FRMD6: variants seen among roughly 807,000 people sequenced by gnomAD.
FRMD6 encodes the protein FERM domain-containing protein 6.
Under a neutral mutation model 73.2 loss-of-function variants are expected in FRMD6, and 37 were observed. The ratio of observed to expected loss-of-function variants is 0.51; its 90% CI spans 0.39 to 0.66. The LOEUF is 0.66. Ranked by LOEUF, FRMD6 falls within the 30% of genes least tolerant of loss-of-function variation. FRMD6 has a pLI of 0.00. For synonymous variants in FRMD6, 273 were observed against 282.2 expected (o/e 0.97, Z 0.33); for missense variants, 714 against 780.5 (o/e 0.91, Z 1.02).
At chr14:51,486,528 C>A (rs1167367593), upstream of FRMD6, among the ~76,000 whole-genome samples, 1 of 152,168 alleles carries the variant, frequency 6.6e-6, no homozygotes, top group Admixed American at 6.5e-5. Flanking sequence ...TTACTGTATA[C>A]CTGTTATCAT....
chr14:51,505,694 C>G (rs111744490), intron 1 of FRMD6, among the ~76,000 whole-genome samples: 3 of 152,268 alleles, frequency 2.0e-5, no homozygotes, highest in Admixed American at 2.0e-4. Context: ...GTTTCTAAAC[C>G]TAAATGCATC....
intron 1 of FRMD6, among the ~76,000 whole-genome samples, chr14:51,549,847 G>A (rs953248801): frequency 1.3e-5 from 2 of 151,874 alleles, no homozygotes; most frequent in African/African-American, 4.8e-5. Flanking sequence ...CGCCCGCCTC[G>A]GCCTCCCAAA....
rs369981011 is a variant in FRMD6 at position 51,493,816 on chromosome 14, C to T, written c.-210+4396C>T. 9.5e-4 allele frequency among the ~76,000 whole-genome samples: 145 copies of T among 152,214 alleles called. 2 individuals are homozygous for T. The highest frequency in any genetic ancestry group is 1.5e-3 in the East Asian group (8 of 5,180). On this transcript the variant is annotated intron_variant, in intron 1 of 14. Coordinates refer to the FRMD6 transcript ENST00000356218. ...TTTTCCTTTGGGTTTTTCTTTCAGACGTGTCAGTCTGTTCAGGCTGCTATA... is the reference window on the plus strand; with the variant it reads ...TTTTCCTTTGGGTTTTTCTTTCAGATGTGTCAGTCTGTTCAGGCTGCTATA...
At chr14:51,518,370 C>T (rs1001973508) in intron 1 of FRMD6, among the ~76,000 whole-genome samples, 1 of 152,122 alleles carries the variant, frequency 6.6e-6, no homozygotes, top group Non-Finnish European at 1.5e-5. Context: ...TCTCTAAGGG[C>T]AGCGAAAAAG....
intron 2 of FRMD6, among the ~76,000 whole-genome samples, chr14:51,601,095 C>A (rs981839741): frequency 2.0e-5 from 3 of 152,192 alleles, no homozygotes; most frequent in Non-Finnish European, 4.4e-5. Context: ...AGCTACCTCT[C>A]CTAGCTCTGG....
At chr14:51,605,661 C>A (rs1890228835) in intron 2 of FRMD6, among the ~76,000 whole-genome samples, 1 of 152,112 alleles carries the variant, frequency 6.6e-6, no homozygotes, top group Non-Finnish European at 1.5e-5. Flanking sequence ...TGGCACCCAG[C>A]AGATCAAGAC....
the FRMD6 span, among the ~76,000 whole-genome samples, chr14:51,477,616 A>G: frequency 6.6e-6 from 1 of 152,202 alleles, no homozygotes; most frequent in Non-Finnish European, 1.5e-5. Context: ...TTTAAGTATT[A>G]TAAACTTTAA....
the FRMD6 span, among the ~76,000 whole-genome samples, chr14:51,430,985 T>G: frequency 1.4e-4 from 22 of 152,298 alleles, no homozygotes; most frequent in South Asian, 8.3e-4. Flanking sequence ...GTATGGAGTA[T>G]GTATGTGTGC....
intron 2 of FRMD6, among the ~76,000 whole-genome samples, chr14:51,594,899 A>G (rs1453058395): frequency 6.6e-6 from 1 of 152,222 alleles, no homozygotes; most frequent in Non-Finnish European, 1.5e-5. Context: ...GCAAGAGCAA[A>G]ATTGGCTGCT....
chr14:51,470,210 A>T, the FRMD6 span, among the ~76,000 whole-genome samples: 6 of 151,914 alleles, frequency 3.9e-5, no homozygotes, highest in East Asian at 1.2e-3. Flanking sequence ...TCAATTTTTT[A>T]AATCTTTTTT....
intron 2 of FRMD6, among the ~76,000 whole-genome samples, chr14:51,602,270 C>T (rs566412713): frequency 6.6e-4 from 100 of 152,124 alleles, no homozygotes; most frequent in Admixed American, 2.2e-3. Context: ...AGTGTATGTC[C>T]GTGTATGTGT....
intron 6 of FRMD6, 104 bp from the exon 7 acceptor site, chr14:51,707,974 C>CCCATAGGCCGTTCAAACTCAAG: frequency 9.5e-7 from 1 of 1,048,798 alleles, no homozygotes; most frequent in Non-Finnish European, 1.4e-6. Flanking sequence ...AACCAGTTTA[C>CCCATAGGCCGTTCAAACTCAAG]ATGGCCTATT....
chr14:51,650,071 T>C (rs35727966), upstream of FRMD6: 4,934 of 152,352 alleles, frequency 0.032, 117 homozygotes, highest in Non-Finnish European at 0.054. Context: ...TTGAAACATA[T>C]TTCTTGTTCT....
At chr14:51,721,753 AGGAAGGAG>A (rs149590944) in intron 11 of FRMD6, among the ~76,000 whole-genome samples, 188 bp from the exon 12 acceptor site, 2 of 108,704 alleles carry the variant, frequency 1.8e-5, no homozygotes, top group Non-Finnish European at 4.0e-5. Flanking sequence ...GAAGGGAGGA[AGGAAGGAG>A]GGAAGGAGGG....
At chr14:51,595,000 G>A (rs540735743) in intron 2 of FRMD6, among the ~76,000 whole-genome samples, 72 of 152,260 alleles carry the variant, frequency 4.7e-4, no homozygotes, top group African/African-American at 1.7e-3. Context: ...TGAGCTGTTG[G>A]GTTAACCCTG....
chr14:51,401,196 T>C, the FRMD6 span, among the ~76,000 whole-genome samples: 1 of 152,214 alleles, frequency 6.6e-6, no homozygotes, highest in African/African-American at 2.4e-5. Context: ...CTGATCCCTT[T>C]ATCCTAAAAC....
chr14:51,593,523 G>C (rs960212074), intron 2 of FRMD6, among the ~76,000 whole-genome samples: 1 of 152,160 alleles, frequency 6.6e-6, no homozygotes, highest in Non-Finnish European at 1.5e-5. Flanking sequence ...TGTTGTACCA[G>C]CAGACAGTTG....
intron 2 of FRMD6, among the ~76,000 whole-genome samples, chr14:51,609,008 A>G (rs912231597): frequency 3.9e-5 from 6 of 152,194 alleles, no homozygotes; most frequent in African/African-American, 9.6e-5. Context: ...TTACAGCTCT[A>G]TCTTCCAAAC....
chr14:51,467,975 CG>C, the FRMD6 span, among the ~76,000 whole-genome samples: 1 of 152,048 alleles, frequency 6.6e-6, no homozygotes, highest in Admixed American at 6.5e-5. Flanking sequence ...GCCGAGATCA[CG>C]CCACTGCACT....
Sources: gnomAD v4.1 joint callset for allele counts (sites outside exome capture counted in the v4.1 genomes callset) on GRCh38, gnomAD v4.1.1 for gene constraint, MANE v1.5 for transcripts, NCBI Gene and HGNC (gene_info 2026-07-23, HGNC 2026-07-21) for gene names.